Variants in COL24A1 observed in about 807,000 individuals in gnomAD.
COL24A1 encodes the protein collagen alpha-1(XXIV) chain.
Under a neutral mutation model 253.9 loss-of-function variants are expected in COL24A1, and 224 were observed. The observed-to-expected ratio is 0.88, with a 90% confidence interval of 0.79 to 0.99. The LOEUF is 0.99. COL24A1 is among the 50% of genes least tolerant of loss of function. COL24A1 has a pLI of 0.00. For synonymous variants in COL24A1, 685 were observed against 673.7 expected, an observed-to-expected ratio of 1.02 and a Z score of -0.26; for missense variants, 2,131 against 2,068.5, an observed-to-expected ratio of 1.03 and a Z score of -0.59.
At chr1:85,954,860 T>C (rs1391896117) in intron 24 of COL24A1, among the ~76,000 whole-genome samples, 1 of 152,216 alleles carries the variant, frequency 6.6e-6, no homozygotes, top group Non-Finnish European at 1.5e-5. Flanking sequence ...TAGGCATAGT[T>C]GTAGAGTTAT....
intron 32 of COL24A1, among the ~76,000 whole-genome samples, chr1:85,880,272 A>T (rs1223512435): frequency 6.6e-6 from 1 of 152,142 alleles, no homozygotes; most frequent in Non-Finnish European, 1.5e-5. Context: ...TTTTGGTGCT[A>T]ATGTAAATAG....
intron 50 of COL24A1, 81 bp downstream of exon 50, chr1:85,784,032 C>A: frequency 2.7e-6 from 3 of 1,101,696 alleles, no homozygotes; most frequent in Non-Finnish European, 3.9e-6. Context: ...TTTAAAAAAG[C>A]TCAAGTTACA....
chr1:86,003,327 A>G (rs1171513747), intron 19 of COL24A1, among the ~76,000 whole-genome samples: 1 of 152,178 alleles, frequency 6.6e-6, no homozygotes, highest in Non-Finnish European at 1.5e-5. Flanking sequence ...GCAGCAATCC[A>G]TTATACTGGA....
intron 53 of COL24A1, among the ~76,000 whole-genome samples, chr1:85,770,929 C>T (rs766055887): frequency 6.6e-5 from 10 of 152,278 alleles, no homozygotes; most frequent in African/African-American, 2.4e-4. Flanking sequence ...ATGCCTAAAG[C>T]GAATTGGCAG....
chr1:85,791,850 A>G (rs1163144998), intron 47 of COL24A1, among the ~76,000 whole-genome samples: 1 of 152,186 alleles, frequency 6.6e-6, no homozygotes, highest in Admixed American at 6.6e-5. Context: ...ATCACTTTAC[A>G]GGAAAGGCAA....
At chr1:85,979,807 A>G (rs1267963419) in intron 20 of COL24A1, among the ~76,000 whole-genome samples, 2 of 152,182 alleles carry the variant, frequency 1.3e-5, no homozygotes, top group Admixed American at 1.3e-4. Context: ...AAAGACAGAG[A>G]AAGAGGGGAT....
At chr1:85,817,067 C>CTT (rs1333317214) in intron 46 of COL24A1, among the ~76,000 whole-genome samples, 172 bp from the exon 47 acceptor site, 1 of 151,956 alleles carries the variant, frequency 6.6e-6, no homozygotes, top group Non-Finnish European at 1.5e-5. Flanking sequence ...CAACAGATAA[C>CTT]TTTAAAAGTT....
intron 28 of COL24A1, among the ~76,000 whole-genome samples, chr1:85,905,487 T>C (rs1164541034): frequency 4.6e-5 from 7 of 152,112 alleles, no homozygotes; most frequent in Non-Finnish European, 5.9e-5. Context: ...CCAATGTCCA[T>C]TGTTTACCTA....
chr1:85,874,807 G>C lies in COL24A1; in HGVS notation c.3085-105C>G, dbSNP rs545645105. The stretch of plus-strand genomic sequence containing the variant: ...AGTTCCCCAACGCCTGGGCCGTAGA[G>C]GGTACCTGTCCAAGGCCTGTTAGGA... On this transcript the variant is annotated intron_variant, in intron 34 of 59. Coordinates refer to ENST00000370571, the MANE Select transcript of COL24A1 (RefSeq NM_152890.7). 13 of 1,252,836 alleles carry C rather than the reference G, an allele frequency of 1.0e-5. No homozygotes were observed. The African/African-American group carries it at 1.6e-4, about 16-fold the overall frequency. 77.6% of individuals were successfully genotyped at this position (1,252,836 alleles called of 1,614,324 possible). A position where few individuals can be genotyped will look rare whatever the true frequency, so the allele number is the denominator to read the frequency against.
At chr1:85,965,461 G>A (rs1691472221) in intron 22 of COL24A1, among the ~76,000 whole-genome samples, 1 of 152,056 alleles carries the variant, frequency 6.6e-6, no homozygotes, top group Admixed American at 6.6e-5. Flanking sequence ...TAAGATTCCA[G>A]GAAAGAAGCC....
intron 28 of COL24A1, among the ~76,000 whole-genome samples, chr1:85,903,065 C>T (rs1684480382): frequency 2.5e-5 from 2 of 80,470 alleles, no homozygotes; most frequent in South Asian, 3.8e-4. Context: ...AAGAATGCTT[C>T]CTTAAAAAAA....
intron 54 of COL24A1, 44 bp downstream of exon 54, chr1:85,761,487 T>C (rs759867369): frequency 1.2e-6 from 2 of 1,613,794 alleles, no homozygotes; most frequent in African/African-American, 2.7e-5. Flanking sequence ...CAGGCAAACA[T>C]ATAAGCATCA....
chr1:86,035,909 T>C (rs2101560432), intron 12 of COL24A1, among the ~76,000 whole-genome samples: 1 of 152,088 alleles, frequency 6.6e-6, no homozygotes, highest in Middle Eastern at 3.4e-3. Flanking sequence ...ATGAGTAATT[T>C]TTCCCCACCT....
chr1:85,761,904 T>C (rs530385043), intron 53 of COL24A1, among the ~76,000 whole-genome samples: 11 of 152,288 alleles, frequency 7.2e-5, no homozygotes, highest in African/African-American at 1.7e-4. Flanking sequence ...TCATCAAATA[T>C]AGAAACTTCG....
intron 24 of COL24A1, among the ~76,000 whole-genome samples, chr1:85,938,345 G>A (rs1312074593): frequency 6.8e-6 from 1 of 146,548 alleles, no homozygotes; most frequent in African/African-American, 2.5e-5. Flanking sequence ...TTTTCACCAA[G>A]TGACACAGTG....
chr1:85,874,161 G>C (rs1396244808), intron 35 of COL24A1, among the ~76,000 whole-genome samples: 4 of 152,070 alleles, frequency 2.6e-5, no homozygotes, highest in South Asian at 2.1e-4. Context: ...CAAAATAAAG[G>C]CTGTCTATAT....
At chr1:85,845,498 C>T (rs1340705249) in intron 39 of COL24A1, among the ~76,000 whole-genome samples, 1 of 151,852 alleles carries the variant, frequency 6.6e-6, no homozygotes, top group Non-Finnish European at 1.5e-5. Context: ...TCACTAAAGA[C>T]AGGCCCACAA....
At chr1:85,763,247 T>C (rs890273082) in intron 53 of COL24A1, among the ~76,000 whole-genome samples, 2 of 151,562 alleles carry the variant, frequency 1.3e-5, no homozygotes, top group Non-Finnish European at 2.9e-5. Context: ...TGAAACCCCA[T>C]CTCTACTAAA....
At chr1:85,829,533 C>T (rs946888711) in intron 43 of COL24A1, among the ~76,000 whole-genome samples, 1 of 151,882 alleles carries the variant, frequency 6.6e-6, no homozygotes, top group Non-Finnish European at 1.5e-5. Flanking sequence ...AACTTGGTTC[C>T]ATTCTCCCCG....
Sources: allele counts gnomAD v4.1 joint callset (sites outside exome capture counted in the v4.1 genomes callset), GRCh38; gene constraint gnomAD v4.1.1; transcripts MANE v1.5; gene names NCBI Gene and HGNC (gene_info 2026-07-23, HGNC 2026-07-21).